The following ITGA8 variants were observed in gnomAD, a reference collection of about 807,000 sequenced individuals.
ITGA8 encodes the protein integrin alpha-8.
In ITGA8, 91 loss-of-function variants were observed where a neutral mutation model predicts 142.3. The observed-to-expected ratio is 0.64, with a 90% CI of 0.54 to 0.76. ITGA8 has a LOEUF of 0.76. ITGA8 is among the 30% of genes least tolerant of loss of function. ITGA8 has a pLI of 0.00. For missense variants in ITGA8, 1,406 were observed against 1,327.7 expected (o/e 1.06, Z -0.92); for synonymous variants, 505 against 485.2 (o/e 1.04, Z -0.54).
chr10:15,572,146 G>C, intron 25 of ITGA8, 65 bp downstream of exon 25: 1 of 1,354,442 alleles, frequency 7.4e-7, no homozygotes, highest in Non-Finnish European at 1.0e-6. Flanking sequence ...AACAAGCCCA[G>C]TTTGTATTTT....
intron 2 of ITGA8, among the ~76,000 whole-genome samples, chr10:15,702,762 CCTTAAAAGCCCATTTTAAAAGGTAGGG>C (rs1412436535): frequency 6.6e-6 from 1 of 152,150 alleles, no homozygotes; most frequent in Non-Finnish European, 1.5e-5. Flanking sequence ...TCAAATCACT[CCTTAAAAGCCCATTTTAAAAGGTAGGG>C]CTCAAAACTA....
chr10:15,586,575 A>G lies in ITGA8; in HGVS notation c.2372+9T>C. ...AAGGATATTGTACTATGCATTGCTTACTACTTACCCTCTTATTTCCACCTG... is the reference window on the plus strand; with the variant it reads ...AAGGATATTGTACTATGCATTGCTTGCTACTTACCCTCTTATTTCCACCTG... On this transcript the variant is annotated intron_variant, in intron 23 of 29. Coordinates refer to ENST00000378076, the MANE Select transcript of ITGA8 (RefSeq NM_003638.3). The G allele has an allele frequency of 1.3e-6, 2 of 1,556,508 alleles. No homozygotes were observed. The highest frequency in any genetic ancestry group is 1.8e-6 in the Non-Finnish European group (2 of 1,127,838).
intron 11 of ITGA8, among the ~76,000 whole-genome samples, chr10:15,650,110 G>T (rs1000992246): frequency 2.6e-5 from 4 of 152,108 alleles, no homozygotes; most frequent in Non-Finnish European, 5.9e-5. Flanking sequence ...AAAGAAATGG[G>T]CTATCAAGCC....
At chr10:15,644,497 T>G (rs1254958253) in intron 12 of ITGA8, among the ~76,000 whole-genome samples, 1 of 7,774 alleles carries the variant, frequency 1.3e-4, no homozygotes, top group Non-Finnish European at 2.2e-3. Flanking sequence ...TATATAGAAT[T>G]TTTTTTTTTT....
At chr10:15,649,818 A>G (rs1353318130) in intron 11 of ITGA8, among the ~76,000 whole-genome samples, 8 of 152,214 alleles carry the variant, frequency 5.3e-5, no homozygotes, top group Non-Finnish European at 1.2e-4. Flanking sequence ...GCAAGGATGT[A>G]GAACAACTCT....
At position 15,688,389 on chromosome 10, in the gene ITGA8, T is replaced by G. The variant is rs187018170; in HGVS notation, c.344-351A>C. Among the ~76,000 whole-genome samples the G allele has an allele frequency of 6.2e-4, 94 of 151,778 alleles. 1 individual carries two copies. The highest frequency in any genetic ancestry group is 2.2e-3 in the African/African-American group (89 of 41,378). ...GGGAGGCTGAGATGAGAAAATCACT[T>G]GAACCCAGGAGGTGGAGGTTGCAGT... On this transcript the variant is annotated intron_variant, in intron 2 of 29. Coordinates refer to ENST00000378076, the MANE Select transcript of ITGA8 (RefSeq NM_003638.3).
At chr10:15,660,196 C>T (rs1834258634) in intron 9 of ITGA8, among the ~76,000 whole-genome samples, 1 of 152,172 alleles carries the variant, frequency 6.6e-6, no homozygotes, top group African/African-American at 2.4e-5. Context: ...TAGGACCAGC[C>T]TTGTGGGTAT....
In ITGA8 at chr10:15,537,643, T is replaced by TA. The variant is rs542374666; in HGVS notation, c.2881-6493dup. Among the ~76,000 whole-genome samples, 9 of 152,238 alleles carry TA rather than the reference T, an allele frequency of 5.9e-5. No individual in the cohort carries two copies. In the East Asian group the frequency reaches 1.7e-3, roughly 29 times the overall value. On this transcript the variant is annotated intron_variant, in intron 27 of 29. Coordinates refer to ENST00000378076, the MANE Select transcript of ITGA8 (RefSeq NM_003638.3). Reference sequence around the variant, plus strand: ...TGGAACTGAAGTGTGTGGGCTAAAATAGTAACTTTCCCCTACACTCTAGTG... The same window carrying TA: ...TGGAACTGAAGTGTGTGGGCTAAAATAAGTAACTTTCCCCTACACTCTAGTG...
At chr10:15,611,133 A>G (rs1309365017) in intron 15 of ITGA8, among the ~76,000 whole-genome samples, 1 of 152,230 alleles carries the variant, frequency 6.6e-6, no homozygotes, top group African/African-American at 2.4e-5. Flanking sequence ...AGACACAAAT[A>G]ACAGCAGAGA....
chr10:15,671,879 C>CA (rs34588118), intron 7 of ITGA8, among the ~76,000 whole-genome samples: 6,490 of 79,686 alleles, frequency 0.081, 228 homozygotes, highest in African/African-American at 0.12. Flanking sequence ...AGGAGCAAAG[C>CA]AAAAAAAAAA....
chr10:15,636,943 G>A (rs928315406), intron 13 of ITGA8, among the ~76,000 whole-genome samples: 5 of 152,036 alleles, frequency 3.3e-5, no homozygotes, highest in African/African-American at 7.2e-5. Flanking sequence ...TCAGCAGTTC[G>A]AGACCAGCCT....
At chr10:15,656,931 C>G (rs762589007) in intron 10 of ITGA8, among the ~76,000 whole-genome samples, 1 of 152,200 alleles carries the variant, frequency 6.6e-6, no homozygotes, top group Non-Finnish European at 1.5e-5. Context: ...TGAGCAGTGT[C>G]TGGACCAAAG....
chr10:15,678,065 C>G (rs1043554104), intron 5 of ITGA8, among the ~76,000 whole-genome samples: 3 of 152,174 alleles, frequency 2.0e-5, no homozygotes, highest in African/African-American at 4.8e-5. Flanking sequence ...AGTGCCACCC[C>G]CTTCTCAGGA....
chr10:15,715,352 A>T (rs1052828068), intron 2 of ITGA8, among the ~76,000 whole-genome samples: 3 of 152,116 alleles, frequency 2.0e-5, no homozygotes, highest in African/African-American at 7.2e-5. Flanking sequence ...AATGGAGGAG[A>T]GGGAGGGAAG....
At chr10:15,585,652 A>G (rs907055792) in intron 23 of ITGA8, among the ~76,000 whole-genome samples, 1 of 152,234 alleles carries the variant, frequency 6.6e-6, no homozygotes, top group African/African-American at 2.4e-5. Flanking sequence ...ATCATCAGAA[A>G]AAAATCAATG....
chr10:15,522,269 G>A (rs1281919201), intron 28 of ITGA8, among the ~76,000 whole-genome samples: 1 of 152,138 alleles, frequency 6.6e-6, no homozygotes, highest in African/African-American at 2.4e-5. Context: ...ACAGCTACAT[G>A]AGCAAATCAA....
rs1421371080 is a variant in ITGA8 at position 15,515,070 on chromosome 10, G to C, written c.*2088C>G. On this transcript the variant is annotated 3_prime_UTR_variant, in exon 30 of 30. Transcript: ENST00000378076. The stretch of plus-strand genomic sequence containing the variant: ...CTTTTAGGACCCCAAATCCCAAGGA[G>C]CTAATCTCTATTGGTCACAGATCAG... The C allele has an allele frequency of 6.6e-6, 1 of 152,172 alleles. No homozygotes were observed. The highest frequency in any genetic ancestry group is 1.9e-4 in the East Asian group (1 of 5,180). 9.4% of individuals were successfully genotyped at this position (152,172 alleles called of 1,614,324 possible). A position where few individuals can be genotyped will look rare whatever the true frequency, so the allele number is the denominator to read the frequency against.
intron 8 of ITGA8, among the ~76,000 whole-genome samples, chr10:15,670,586 A>C (rs1157470390): frequency 6.6e-6 from 1 of 152,204 alleles, no homozygotes; most frequent in South Asian, 2.1e-4. Context: ...CTTGCCTTCA[A>C]GGAGGTAGAC....
rs1487811297 is a variant in ITGA8, at chr10:15,671,597, T to A, written c.847+6A>T. ...TAAGTGATTTAAACTCAACAGTGCC[T>A]CTCACCTTGCTGAGAATCCCCAGTA... On this transcript the variant is annotated splice_donor_region_variant and intron_variant, in intron 8 of 29. Transcript: ENST00000378076. 2 of 1,611,330 alleles carry A rather than the reference T, an allele frequency of 1.2e-6. No homozygotes were observed. Among genetic ancestry groups the A allele is most frequent in the African/African-American group, 1.3e-5 (1 of 74,850 alleles).
Sources: allele counts gnomAD v4.1 joint callset (sites outside exome capture counted in the v4.1 genomes callset), GRCh38; gene constraint gnomAD v4.1.1; transcripts MANE v1.5; gene names NCBI Gene and HGNC (gene_info 2026-07-23, HGNC 2026-07-21).